Variants in ZNF536 observed in about 807,000 individuals in gnomAD.
ZNF536 encodes zinc finger protein 536.
ZNF536 carries 13 observed loss-of-function variants against 84.5 expected under a neutral mutation model. The ratio of observed to expected loss-of-function variants is 0.15; its 90% CI spans 0.10 to 0.24. ZNF536 has a LOEUF of 0.24. Among genes scored for constraint, ZNF536 ranks in the 10% least tolerant of loss-of-function variants. The probability of loss-of-function intolerance (pLI) is 1.00; values close to 1 mark genes in which losing one functional copy is unlikely to be tolerated. For missense variants in ZNF536, 1,536 were observed against 1,747.5 expected, an observed-to-expected ratio of 0.88 and a Z score of 2.16; for synonymous variants, 811 against 742.5, an observed-to-expected ratio of 1.09 and a Z score of -1.50.
chr19:30,347,125 G>A (rs989624499), intron 2 of ZNF536, among the ~76,000 whole-genome samples: 1 of 132,404 alleles, frequency 7.6e-6, no homozygotes, highest in African/African-American at 3.0e-5. Context: ...TTTTTTATAT[G>A]ATTCTTGGCC....
At chr19:30,677,808 G>A (rs2050807061) in intron 1 of ZNF536, among the ~76,000 whole-genome samples, 1 of 152,152 alleles carries the variant, frequency 6.6e-6, no homozygotes, top group Non-Finnish European at 1.5e-5. Flanking sequence ...GGTGCTGCAC[G>A]TGGCCTGCCC....
intron 1 of ZNF536, among the ~76,000 whole-genome samples, chr19:30,595,943 G>A (rs1452217182): frequency 1.3e-5 from 2 of 152,192 alleles, no homozygotes; most frequent in African/African-American, 4.8e-5. Context: ...GGGGAGCAGG[G>A]TGAAGACAGG....
At chr19:30,667,113 C>T (rs2050353411) in intron 1 of ZNF536, among the ~76,000 whole-genome samples, 1 of 152,156 alleles carries the variant, frequency 6.6e-6, no homozygotes, top group Non-Finnish European at 1.5e-5. Flanking sequence ...CTTGTCTAAA[C>T]TAACCTCGTT....
In ZNF536 at chr19:30,400,166, T is replaced by C. The variant is rs531025480; in HGVS notation, c.-3+27610T>C. Among the ~76,000 whole-genome samples the C allele has an allele frequency of 9.8e-5, 15 of 152,292 alleles. No homozygotes were observed. The South Asian group carries it at 2.3e-3, about 23-fold the overall frequency. ...TTTTTTTTCCAGAATTTGGCTGTTATAGCCAAAATTTCTGTGAACAATGGC... is the reference window on the plus strand; with the variant it reads ...TTTTTTTTCCAGAATTTGGCTGTTACAGCCAAAATTTCTGTGAACAATGGC... On this transcript the variant is annotated intron_variant, in intron 1 of 4. Transcript: ENST00000355537.
intron 1 of ZNF536, among the ~76,000 whole-genome samples, chr19:30,706,934 C>T (rs112234705): frequency 1.2e-3 from 179 of 152,232 alleles, no homozygotes; most frequent in Non-Finnish European, 2.3e-3. Context: ...TCAGGTTTCC[C>T]GGTGTCTTGC....
At chr19:30,660,414 C>A (rs2147567852) in intron 1 of ZNF536, among the ~76,000 whole-genome samples, 1 of 152,304 alleles carries the variant, frequency 6.6e-6, no homozygotes, top group Non-Finnish European at 1.5e-5. Flanking sequence ...CCCTCTCCAC[C>A]CTGTCATCTC....
At chr19:30,407,936 A>G (rs2050329670) in intron 1 of ZNF536, among the ~76,000 whole-genome samples, 1 of 151,968 alleles carries the variant, frequency 6.6e-6, no homozygotes, top group Non-Finnish European at 1.5e-5. Flanking sequence ...CTCACAGAGG[A>G]TGACTGGGGT....
chr19:30,557,330 A>AC lies in ZNF536; in HGVS notation c.*166_*167insC. 1.4e-6 allele frequency: 1 copy of AC among 698,096 alleles called. No homozygotes were observed. Among genetic ancestry groups the AC allele is most frequent in the Non-Finnish European group, 2.5e-6 (1 of 401,910 alleles). 43.2% of individuals were successfully genotyped at this position (698,096 alleles called of 1,614,324 possible). A position where few individuals can be genotyped will look rare whatever the true frequency, so the allele number is the denominator to read the frequency against. On this transcript the variant is annotated 3_prime_UTR_variant, in exon 5 of 5. Coordinates refer to ENST00000355537, the MANE Select transcript of ZNF536 (RefSeq NM_014717.3). ...GGTATGTGTATACACACGGTGCACC[A>AC]ATCTACAGTATATATAGCAGAGAAT...
At chr19:30,506,461 T>A (rs1356644089) in intron 2 of ZNF536, among the ~76,000 whole-genome samples, 1 of 152,232 alleles carries the variant, frequency 6.6e-6, no homozygotes, top group African/African-American at 2.4e-5. Flanking sequence ...CTGCGCTGTT[T>A]GAATGATGCT....
chr19:30,604,885 A>T (rs545855029), intron 1 of ZNF536, among the ~76,000 whole-genome samples: 8 of 152,298 alleles, frequency 5.3e-5, no homozygotes, highest in African/African-American at 1.9e-4. Flanking sequence ...ACTCTGCATG[A>T]TGGGGCTTCT....
intron 1 of ZNF536, among the ~76,000 whole-genome samples, chr19:30,575,441 C>T (rs983830050): frequency 6.6e-6 from 1 of 152,206 alleles, no homozygotes; most frequent in Non-Finnish European, 1.5e-5. Flanking sequence ...CCTGCCCGCC[C>T]AGGTGGCCAC....
rs1417765434 is a variant in ZNF536, at chr19:30,353,580, T to C, written c.-3+1096T>C. Reference sequence around the variant, plus strand: ...AGCACTGGGTCTCCCCTAGGCATGGTGACAACCCACAGGCTTCCGGGCCCC... The same window carrying C: ...AGCACTGGGTCTCCCCTAGGCATGGCGACAACCCACAGGCTTCCGGGCCCC... On this transcript the variant is annotated intron_variant, in intron 3 of 5. Coordinates refer to the ZNF536 transcript ENST00000585628. 3.9e-5 allele frequency among the ~76,000 whole-genome samples: 6 copies of C among 152,144 alleles called. No individual in the cohort carries two copies. The East Asian group carries it at 1.2e-3, about 29-fold the overall frequency.
At chr19:30,642,619 A>T (rs1037439746) in intron 1 of ZNF536, among the ~76,000 whole-genome samples, 1 of 152,204 alleles carries the variant, frequency 6.6e-6, no homozygotes, top group Non-Finnish European at 1.5e-5. Context: ...GAGGAGGCTG[A>T]AGTTTCAGAA....
intron 3 of ZNF536, among the ~76,000 whole-genome samples, chr19:30,547,001 ATATT>A (rs2045584477): frequency 6.6e-6 from 1 of 152,226 alleles, no homozygotes; most frequent in Non-Finnish European, 1.5e-5. Context: ...ATTTAAATAA[ATATT>A]TAATTCATGA....
chr19:30,390,890 G>A (rs563895925), intron 1 of ZNF536, among the ~76,000 whole-genome samples: 2 of 152,292 alleles, frequency 1.3e-5, no homozygotes, highest in East Asian at 3.9e-4. Flanking sequence ...CTATTCCAAT[G>A]TCAGAATAAA....
Position 30,419,321 on chromosome 19 carries a change from A to T in ZNF536, c.-2-24240A>T, listed in dbSNP as rs542972921. Among the ~76,000 whole-genome samples, 14 of 152,306 alleles carry T rather than the reference A, an allele frequency of 9.2e-5. 1 individual carries two copies. In the South Asian group the frequency reaches 1.9e-3, roughly 20 times the overall value. Reference sequence around the variant, plus strand: ...TTCTCACTATAAATAGCATTTCCGTACAGTTTTGTCTTTATTGCTGATAGC... The same window carrying T: ...TTCTCACTATAAATAGCATTTCCGTTCAGTTTTGTCTTTATTGCTGATAGC... On this transcript the variant is annotated intron_variant, in intron 1 of 4. Coordinates refer to ENST00000355537, the MANE Select transcript of ZNF536 (RefSeq NM_014717.3).
rs1466916341 is a variant in ZNF536, at chr19:30,557,203, G to A, written c.*39G>A. ...AGTCGGTCTATCTGGACTTGCCCTT[G>A]TCTGTTCGTGGTCCTCGGTGGTTAT... On this transcript the variant is annotated 3_prime_UTR_variant, in exon 5 of 5. Transcript: ENST00000355537. 1.9e-6 allele frequency: 3 copies of A among 1,612,218 alleles called. No homozygotes were observed. The highest frequency in any genetic ancestry group is 2.2e-5 in the South Asian group (2 of 90,852).
intron 2 of ZNF536, among the ~76,000 whole-genome samples, chr19:30,526,045 T>A (rs2044561324): frequency 6.6e-6 from 1 of 152,182 alleles, no homozygotes. Flanking sequence ...CTGGGTCTTC[T>A]CACCAAGGCC....
At chr19:30,308,647 G>A (rs964226675) in intron 2 of ZNF536, among the ~76,000 whole-genome samples, 50 of 152,058 alleles carry the variant, frequency 3.3e-4, no homozygotes, top group African/African-American at 1.2e-3. Flanking sequence ...GGGAGTTAAG[G>A]CCTGCTAGGA....
Sources: allele counts gnomAD v4.1 joint callset (sites outside exome capture counted in the v4.1 genomes callset), GRCh38; gene constraint gnomAD v4.1.1; transcripts MANE v1.5; gene names NCBI Gene and HGNC (gene_info 2026-07-23, HGNC 2026-07-21).